Variants in FLT4 observed in about 807,000 individuals in gnomAD.
The protein encoded by FLT4 is fms related receptor tyrosine kinase 4.
FLT4 carries 30 observed loss-of-function variants against 163.2 expected under a neutral mutation model. The observed-to-expected ratio is 0.18, with a 90% CI of 0.14 to 0.25. The LOEUF is 0.25. Ranked by LOEUF, FLT4 falls within the 10% of genes least tolerant of loss-of-function variation. The pLI is 1.00. For missense variants in FLT4, 1,510 were observed against 1,863.8 expected (o/e 0.81, Z 3.50); for synonymous variants, 884 against 789.5 (o/e 1.12, Z -2.01).
Position 180,636,150 on chromosome 5 carries a change from C to T in FLT4, c.59-4372G>A, listed in dbSNP as rs991397564. On this transcript the variant is annotated intron_variant, in intron 1 of 29. Coordinates refer to ENST00000261937, the MANE Select transcript of FLT4 (RefSeq NM_182925.5). This position sits in a 1 kb window ranked among gnomAD's most constrained non-coding sequence, Gnocchi z 4.3. ...CACTGCTGAGCAGGACCATCCATCG[C>T]GCTTGCCAACCCTTTTGCCCATCCA... Among the ~76,000 whole-genome samples the T allele has an allele frequency of 3.3e-5, 5 of 151,996 alleles. No homozygotes were observed. The highest frequency in any genetic ancestry group is 7.3e-5 in the African/African-American group (3 of 41,340).
At chr5:180,645,031 G>C (rs1414406996) in intron 1 of FLT4, among the ~76,000 whole-genome samples, 1 of 152,226 alleles carries the variant, frequency 6.6e-6, no homozygotes, top group Non-Finnish European at 1.5e-5. Context: ...GTGTGCAGTG[G>C]GTGGAGGCTG....
chr5:180,649,599 G>T lies in FLT4; in HGVS notation c.-54C>A. 1 of 1,133,006 alleles carries T rather than the reference G, an allele frequency of 8.8e-7. No individual in the cohort carries two copies. The highest frequency in any genetic ancestry group is 1.1e-6 in the Non-Finnish European group (1 of 905,922). 70.2% of individuals were successfully genotyped at this position (1,133,006 alleles called of 1,614,324 possible). ...GAGCGGCCGCGGCTCGGGGCTGAAA[G>T]TGTCCGCGCGGGCGCCGGCTGGCCT... On this transcript the variant is annotated 5_prime_UTR_variant, in exon 1 of 30. Transcript: ENST00000261937.
Position 180,619,300 on chromosome 5 carries a change from T to C in FLT4, c.2714A>G (p.Asn905Ser), listed in dbSNP as rs778995782. Residue 905 changes from asparagine to serine, a missense_variant, in exon 19 of 30, where the codon AAC becomes AGC. Transcript: ENST00000261937. ...GAGGAGGTTGACCACGTTGAGGTGG[T>C]TGCCGATGTGAATGAGGATCTTGAG... ...SELKILIHIG[N>S]HLNVVNLLGA... 14 of 1,611,112 alleles carry C rather than the reference T, an allele frequency of 8.7e-6. No individual in the cohort carries two copies.
intron 29 of FLT4, among the ~76,000 whole-genome samples, chr5:180,604,868 GTTTTC>G (rs1237114498): frequency 1.3e-5 from 2 of 151,946 alleles, no homozygotes; most frequent in African/African-American, 4.8e-5. Flanking sequence ...TTTCAGTTTT[GTTTTC>G]CTCTTTTCAC....
Position 180,623,964 on chromosome 5 carries a change from A to G in FLT4, c.1519T>C (p.Trp507Arg), listed in dbSNP as rs775912367. ...AVNPIESLDTWTEFVEGKNKT... is the reference protein window; with the variant it reads ...AVNPIESLDTRTEFVEGKNKT... ...TTCTTTCCCTCCACAAACTCGGTCC[A>G]GGTGTCCAGGCTCTCGATGGGGTTC... The change falls in exon 11 of 30, where the codon TGG becomes CGG. Residue 507 changes from tryptophan to arginine, a missense_variant. Physicochemically the swap from Trp to Arg is moderately radical, Grantham distance 101 (BLOSUM62 -3). This residue lies in a region of FLT4 where 878 missense variants were observed against 1,016.7 expected (regional missense o/e 0.86). Transcript: ENST00000261937. The surrounding 1 kb of genome is among the most constrained non-coding windows in gnomAD (Gnocchi z 5.8). 3 of 1,613,540 alleles carry G rather than the reference A, an allele frequency of 1.9e-6. No homozygotes were observed. The highest frequency in any genetic ancestry group is 3.3e-5 in the Admixed American group (2 of 60,020).
At chr5:180,640,082 C>A (rs768466954) in intron 1 of FLT4, among the ~76,000 whole-genome samples, 1 of 152,198 alleles carries the variant, frequency 6.6e-6, no homozygotes, top group African/African-American at 2.4e-5. Flanking sequence ...CAGCCACAGG[C>A]GTGGCGGGCG....
chr5:180,642,068 G>A (rs1401276330), intron 1 of FLT4, among the ~76,000 whole-genome samples: 7 of 152,132 alleles, frequency 4.6e-5, no homozygotes, highest in Non-Finnish European at 7.4e-5. Context: ...TTAGCCCAGT[G>A]TGGTGGCGGG....
intron 7 of FLT4, 110 bp from the exon 8 acceptor site, chr5:180,629,109 GGCTGGCCATGCCGCCCGGTGCAGGA>G: frequency 7.0e-7 from 1 of 1,436,176 alleles, no homozygotes; most frequent in Non-Finnish European, 9.8e-7. Context: ...CGCAGACTGG[GGCTGGCCATGCCGCCCGGTGCAGGA>G]GCTGGGCAGC....
At chr5:180,615,191 GCCCC>G (rs1762551886) in intron 23 of FLT4, among the ~76,000 whole-genome samples, 1 of 25,002 alleles carries the variant, frequency 4.0e-5, no homozygotes. Context: ...GGAGCACTGG[GCCCC>G]GCTGGTCACC....
At chr5:180,607,218 G>A (rs1761850289) in intron 29 of FLT4, among the ~76,000 whole-genome samples, 1 of 152,222 alleles carries the variant, frequency 6.6e-6, no homozygotes, top group African/African-American at 2.4e-5. Flanking sequence ...TGGGCAAATG[G>A]AGTTCACTTT....
rs975928904 is a variant in FLT4 at position 180,623,787 on chromosome 5, C to A, written c.1548+148G>T. On this transcript the variant is annotated intron_variant, in intron 11 of 29. Coordinates refer to ENST00000261937, the MANE Select transcript of FLT4 (RefSeq NM_182925.5). The surrounding 1 kb of genome is among the most constrained non-coding windows in gnomAD (Gnocchi z 5.8). The stretch of plus-strand genomic sequence containing the variant: ...CTGACCTTTCTGCAGGCAGGGTGGC[C>A]GAGGCCTACAGACTGCAGGAAGGTC... 2.1e-6 allele frequency: 2 copies of A among 964,000 alleles called. No homozygotes were observed. The highest frequency in any genetic ancestry group is 3.3e-6 in the Non-Finnish European group (2 of 611,652). The allele number at this position is 964,000 out of a possible 1,614,324, so 59.7% of individuals were successfully genotyped here. A position where few individuals can be genotyped will look rare whatever the true frequency, so the allele number is the denominator to read the frequency against.
In FLT4 at chr5:180,625,957, AG is replaced by A. The variant is rs1424372112; in HGVS notation, c.1332del (p.Cys445AlafsTer48). On this transcript the variant is annotated frameshift_variant, in exon 10 of 30. Transcript: ENST00000261937. LOFTEE classifies it high-confidence loss of function. Reference protein sequence around the residue: ...IYSRHSRQALTCTAYGVPLPL... With the variant: ...IYSRHSRQALXCTAYGVPLPL... ...GGCAGGGGCACCCCGTAGGCCGTGC[AG>A]GTGAGGGCCTGGCGGCTGTGACGCG... The A allele has an allele frequency of 6.2e-7, 1 of 1,612,774 alleles. No homozygotes were observed. The highest frequency in any genetic ancestry group is 1.1e-5 in the South Asian group (1 of 91,076).
intron 27 of FLT4, among the ~76,000 whole-genome samples, chr5:180,610,442 GCTAA>G (rs1762088501): frequency 6.6e-6 from 1 of 152,236 alleles, no homozygotes; most frequent in African/African-American, 2.4e-5. Flanking sequence ...GCAGAATCCA[GCTAA>G]CTGTTGTTGT....
At position 180,601,723 on chromosome 5, in the gene FLT4, G is replaced by T; in HGVS notation, c.*1469C>A. The T allele has an allele frequency of 4.3e-6, 1 of 233,226 alleles. No individual in the cohort carries two copies. Among genetic ancestry groups the T allele is most frequent in the East Asian group, 6.0e-5 (1 of 16,572 alleles). 14.4% of individuals were successfully genotyped at this position (233,226 alleles called of 1,614,324 possible). On this transcript the variant is annotated 3_prime_UTR_variant, in exon 30 of 30. Coordinates refer to ENST00000261937, the MANE Select transcript of FLT4 (RefSeq NM_182925.5). Reference sequence around the variant, plus strand: ...AGATCCTCCCAGGGAAGCCTGACACGCCAGTCCCACGTTGGACGACGTGCA... The same window carrying T: ...AGATCCTCCCAGGGAAGCCTGACACTCCAGTCCCACGTTGGACGACGTGCA...
rs1172473178 is a variant in FLT4 at position 180,629,062 on chromosome 5, C to G, written c.986-63G>C. ...ACCCGTCGTGGACTGACCAGGGACT[C>G]CCCCCACGGCCCCTGCAGCCCCGGC... On this transcript the variant is annotated intron_variant, in intron 7 of 29. Transcript: ENST00000261937. The G allele has an allele frequency of 8.8e-6, 13 of 1,472,800 alleles. 1 individual carries two copies. In the Admixed American group the frequency reaches 1.2e-4, roughly 13 times the overall value. 91.2% of individuals were successfully genotyped at this position (1,472,800 alleles called of 1,614,324 possible).
At chr5:180,627,737 C>T (rs1370563148) in intron 8 of FLT4, among the ~76,000 whole-genome samples, 2 of 152,190 alleles carry the variant, frequency 1.3e-5, no homozygotes, top group Non-Finnish European at 1.5e-5. Flanking sequence ...CGCAACAGAG[C>T]TGCCACCTGC....
chr5:180,622,178 G>A (rs35393742), intron 12 of FLT4, among the ~76,000 whole-genome samples: 6 of 151,976 alleles, frequency 3.9e-5, no homozygotes, highest in South Asian at 2.1e-4. Flanking sequence ...TCCCAGTGCC[G>A]TGCGCCCACT....
chr5:180,617,153 C>A (rs1762755202), intron 21 of FLT4, among the ~76,000 whole-genome samples, 159 bp from the exon 22 acceptor site: 3 of 144,924 alleles, frequency 2.1e-5, no homozygotes, highest in Admixed American at 6.8e-5. Context: ...TGCCCCTCAG[C>A]CTCTGGGACA....
At chr5:180,625,366 C>T (rs2127825579) in intron 10 of FLT4, among the ~76,000 whole-genome samples, 1 of 152,316 alleles carries the variant, frequency 6.6e-6, no homozygotes, top group African/African-American at 2.4e-5. Flanking sequence ...GGGAAAGCCG[C>T]CTCCCTTCTC....
Sources: allele counts gnomAD v4.1 joint callset (sites outside exome capture counted in the v4.1 genomes callset), GRCh38; gene constraint gnomAD v4.1.1; regional missense constraint gnomAD v4.1.1; non-coding constraint Gnocchi (gnomAD v3.1); transcripts MANE v1.5; gene names NCBI Gene and HGNC (gene_info 2026-07-23, HGNC 2026-07-21).